Variants in PTPRD observed in about 807,000 individuals in gnomAD.
The protein encoded by PTPRD is receptor-type tyrosine-protein phosphatase delta.
Under a neutral mutation model 214.5 loss-of-function variants are expected in PTPRD, and 34 were observed. That is an observed-to-expected ratio of 0.16 (90% CI 0.12 to 0.21). PTPRD has a LOEUF of 0.21. PTPRD is among the 10% of genes least tolerant of loss of function. The pLI is 1.00. For missense variants in PTPRD, 2,545 were observed against 2,398.7 expected, an observed-to-expected ratio of 1.06 and a Z score of -1.27; for synonymous variants, 1,128 against 845.7, an observed-to-expected ratio of 1.33 and a Z score of -5.79.
intron 3 of PTPRD, among the ~76,000 whole-genome samples, chr9:10,318,022 G>C (rs1012376735): frequency 2.0e-5 from 3 of 151,864 alleles, no homozygotes; most frequent in African/African-American, 7.3e-5. Flanking sequence ...TTTTACATAT[G>C]TCTGTCTACT....
intron 6 of PTPRD, among the ~76,000 whole-genome samples, chr9:9,739,160 C>G (rs138593879): frequency 6.6e-6 from 1 of 152,130 alleles, no homozygotes; most frequent in Admixed American, 6.5e-5. Context: ...CATGAATTCA[C>G]GTGTATATGC....
chr9:10,568,594 G>A (rs1469650627), intron 2 of PTPRD, among the ~76,000 whole-genome samples: 6 of 152,032 alleles, frequency 3.9e-5, no homozygotes, highest in Admixed American at 3.3e-4. Flanking sequence ...CAGTGTAAAA[G>A]TGTTCCTATT....
intron 3 of PTPRD, among the ~76,000 whole-genome samples, chr9:10,264,887 G>C (rs1178183806): frequency 6.6e-6 from 1 of 152,146 alleles, no homozygotes. Flanking sequence ...CATGGGGGCA[G>C]TTCCCCCATA....
chr9:10,597,297 A>G (rs1041462806), intron 2 of PTPRD, among the ~76,000 whole-genome samples: 2 of 151,786 alleles, frequency 1.3e-5, no homozygotes, highest in Middle Eastern at 3.4e-3. Flanking sequence ...CTATCTTTAT[A>G]TCCTATAATA....
intron 10 of PTPRD, among the ~76,000 whole-genome samples, chr9:9,055,837 T>C (rs2099695184): frequency 6.7e-6 from 1 of 150,168 alleles, no homozygotes; most frequent in South Asian, 2.1e-4. Flanking sequence ...TTAATGTATT[T>C]ATGTATTATA....
chr9:9,379,804 ATTTTGT>A (rs1457033032), intron 9 of PTPRD, among the ~76,000 whole-genome samples: 1 of 151,624 alleles, frequency 6.6e-6, no homozygotes, highest in Non-Finnish European at 1.5e-5. Flanking sequence ...TGTAAGTGTT[ATTTTGT>A]TTTTATTTTC....
chr9:8,845,127 T>G (rs1288179495), intron 11 of PTPRD, among the ~76,000 whole-genome samples: 2 of 147,826 alleles, frequency 1.4e-5, no homozygotes, highest in African/African-American at 5.2e-5. Context: ...GGAACACAAG[T>G]GAGTGAGTGA....
At chr9:10,301,701 C>T (rs545661467) in intron 3 of PTPRD, among the ~76,000 whole-genome samples, 120 of 151,688 alleles carry the variant, frequency 7.9e-4, no homozygotes, top group African/African-American at 2.7e-3. Context: ...TGAAATAAAG[C>T]GAGAAGACAA....
At chr9:9,522,298 CTAAAGG>C (rs1283057075) in intron 8 of PTPRD, among the ~76,000 whole-genome samples, 10 of 151,702 alleles carry the variant, frequency 6.6e-5, no homozygotes, top group African/African-American at 1.9e-4. Flanking sequence ...TACAAATTAC[CTAAAGG>C]TAAAGTTTCA....
intron 11 of PTPRD, among the ~76,000 whole-genome samples, chr9:8,758,383 T>A (rs8181195): frequency 0.62 from 94,766 of 152,054 alleles, 30,358 homozygotes; most frequent in Middle Eastern, 0.72. Flanking sequence ...GAGTTCAGGA[T>A]GGGAAAAGCT....
chr9:10,514,639 C>T (rs1311658304), intron 2 of PTPRD, among the ~76,000 whole-genome samples: 1 of 151,458 alleles, frequency 6.6e-6, no homozygotes, highest in Non-Finnish European at 1.5e-5. Flanking sequence ...GAATAGTTAA[C>T]CAAGTGACTT....
At chr9:8,976,581 A>G (rs185093493) in intron 11 of PTPRD, among the ~76,000 whole-genome samples, 31 of 152,256 alleles carry the variant, frequency 2.0e-4, no homozygotes, top group African/African-American at 7.0e-4. Context: ...GACTTAAAAC[A>G]ATTGCATAAG....
chr9:9,314,139 T>C (rs1961035784), intron 9 of PTPRD, among the ~76,000 whole-genome samples: 1 of 152,158 alleles, frequency 6.6e-6, no homozygotes, highest in African/African-American at 2.4e-5. Flanking sequence ...TATTGGCATG[T>C]GCATTATTAA....
chr9:10,476,092 C>G (rs2099060737), intron 2 of PTPRD, among the ~76,000 whole-genome samples: 1 of 152,114 alleles, frequency 6.6e-6, no homozygotes, highest in Non-Finnish European at 1.5e-5. Context: ...TATGCCCCCT[C>G]TCACCTCTCC....
At position 9,860,737 on chromosome 9, in the gene PTPRD, A is replaced by C. The variant is rs150271780; in HGVS notation, c.-368+77770T>G. Among the ~76,000 whole-genome samples, 508 of 152,200 alleles carry C rather than the reference A, an allele frequency of 3.3e-3. 4 individuals carry two copies. Among genetic ancestry groups the C allele is most frequent in the African/African-American group, 0.012 (483 of 41,524 alleles). ...TACATGAAGCTTTCCTAGGACCACTAAACAATTGTAGTTCATTACTGATCC... is the reference window on the plus strand; with the variant it reads ...TACATGAAGCTTTCCTAGGACCACTCAACAATTGTAGTTCATTACTGATCC... On this transcript the variant is annotated intron_variant, in intron 5 of 45. Transcript: ENST00000381196.
chr9:9,040,703 T>C (rs757640656), intron 10 of PTPRD, among the ~76,000 whole-genome samples: 20 of 152,186 alleles, frequency 1.3e-4, no homozygotes, highest in Non-Finnish European at 2.5e-4. Context: ...ATCTATAACA[T>C]GAGCATAATC....
chr9:10,144,731 C>G (rs1310719774), intron 3 of PTPRD, among the ~76,000 whole-genome samples: 1 of 152,024 alleles, frequency 6.6e-6, no homozygotes, highest in Non-Finnish European at 1.5e-5. Flanking sequence ...GCTAAGGAGC[C>G]TCTATATGGC....
intron 10 of PTPRD, among the ~76,000 whole-genome samples, chr9:9,139,533 C>A (rs2099856553): frequency 6.6e-6 from 1 of 152,076 alleles, no homozygotes; most frequent in African/African-American, 2.4e-5. Flanking sequence ...AACACATGCT[C>A]TGTGATACCG....
rs1889103 is a variant in PTPRD at position 9,421,355 on chromosome 9, T to A, written c.-236-23873A>T. Among the ~76,000 whole-genome samples the A allele has an allele frequency of 1.6e-4, 24 of 151,544 alleles. 1 individual carries two copies. The South Asian group carries it at 3.5e-3, about 22-fold the overall frequency. On this transcript the variant is annotated intron_variant, in intron 8 of 45. Coordinates refer to ENST00000381196, the MANE Select transcript of PTPRD (RefSeq NM_002839.4). ...TATGCACGTCAAAATAATAAAAAAA[T>A]TAAATATATAATTCCAAATTATTTC...
Sources: allele counts gnomAD v4.1 joint callset (sites outside exome capture counted in the v4.1 genomes callset), GRCh38; gene constraint gnomAD v4.1.1; transcripts MANE v1.5; gene names NCBI Gene and HGNC (gene_info 2026-07-23, HGNC 2026-07-21).